The following PLEKHA5 variants were observed in gnomAD, a reference collection of about 807,000 sequenced individuals.
The protein encoded by PLEKHA5 is pleckstrin homology domain containing A5.
PLEKHA5 carries 55 observed loss-of-function variants against 181.9 expected under a neutral mutation model. The ratio of observed to expected loss-of-function variants is 0.30; its 90% CI spans 0.24 to 0.38. The LOEUF is 0.38. Among genes scored for constraint, PLEKHA5 ranks in the 10% least tolerant of loss-of-function variants. The pLI is 1.00. For synonymous variants in PLEKHA5, 535 were observed against 529.4 expected (o/e 1.01, Z -0.15); for missense variants, 1,432 against 1,549.5 (o/e 0.92, Z 1.27).
intron 8 of PLEKHA5, 99 bp from the exon 9 acceptor site, chr12:19,269,671 G>T: frequency 1.8e-6 from 1 of 568,708 alleles, no homozygotes; most frequent in Non-Finnish European, 3.1e-6. Flanking sequence ...TCTGAAATTT[G>T]ATAGCAACGT....
intron 3 of PLEKHA5, among the ~76,000 whole-genome samples, chr12:19,252,156 T>A (rs2078303965): frequency 6.6e-6 from 1 of 152,178 alleles, no homozygotes; most frequent in South Asian, 2.1e-4. Context: ...TCAATTTTAT[T>A]TAATGGATAA....
chr12:19,193,345 A>G lies in PLEKHA5; in HGVS notation c.228-60595A>G, dbSNP rs539152766. On this transcript the variant is annotated intron_variant, in intron 3 of 31. Coordinates refer to ENST00000429027, the MANE Select transcript of PLEKHA5 (RefSeq NM_001256470.2). ...TCAGTAGACCCCATGTTGGGAACAC[A>G]TGAAGCCAATATTTTAAAAGCAAAT... Among the ~76,000 whole-genome samples the G allele has an allele frequency of 5.9e-5, 9 of 152,352 alleles. No individual in the cohort carries two copies. The South Asian group carries it at 1.5e-3, about 25-fold the overall frequency.
intron 3 of PLEKHA5, among the ~76,000 whole-genome samples, chr12:19,173,865 C>G (rs2151723090): frequency 6.6e-6 from 1 of 152,270 alleles, no homozygotes; most frequent in East Asian, 1.9e-4. Flanking sequence ...GAGCCACCAT[C>G]AAAAATCAAA....
chr12:19,318,744 G>GA (rs1175822216), intron 16 of PLEKHA5, among the ~76,000 whole-genome samples: 2 of 152,238 alleles, frequency 1.3e-5, no homozygotes, highest in African/African-American at 4.8e-5. Context: ...CCAACATGGT[G>GA]AAACCCCGTC....
At position 19,314,340 on chromosome 12, in the gene PLEKHA5, GA is replaced by G. The variant is rs2087716170; in HGVS notation, c.2038-473del. Among the ~76,000 whole-genome samples the G allele has an allele frequency of 2.6e-5, 4 of 152,176 alleles. No individual in the cohort carries two copies. The Middle Eastern group carries it at 0.014, about 518-fold the overall frequency. On this transcript the variant is annotated intron_variant, in intron 15 of 31. Coordinates refer to ENST00000429027, the MANE Select transcript of PLEKHA5 (RefSeq NM_001256470.2). The stretch of plus-strand genomic sequence containing the variant: ...CCTTTAATAAAATATGTGATTAAGT[GA>G]CACATTCAGTATATTATATTTTAAT...
At chr12:19,184,671 A>C (rs1228304987) in intron 3 of PLEKHA5, among the ~76,000 whole-genome samples, 2 of 152,190 alleles carry the variant, frequency 1.3e-5, no homozygotes, top group Admixed American at 6.5e-5. Context: ...ATTTTGTTGA[A>C]GAGAATAAGT....
At chr12:19,322,289 A>G (rs2091063562) in intron 18 of PLEKHA5, 21 bp from the exon 19 acceptor site, 4 of 1,541,532 alleles carry the variant, frequency 2.6e-6, no homozygotes, top group Non-Finnish European at 3.6e-6. Flanking sequence ...TGCTAACAAG[A>G]CATCTTCTCT....
intron 30 of PLEKHA5, among the ~76,000 whole-genome samples, chr12:19,368,657 T>C (rs867337819): frequency 2.1e-4 from 32 of 151,102 alleles, no homozygotes; most frequent in African/African-American, 7.3e-4. Context: ...CCAGGCATGG[T>C]GGCCATGCCT....
intron 3 of PLEKHA5, among the ~76,000 whole-genome samples, chr12:19,172,753 C>A (rs2046207122): frequency 6.6e-6 from 1 of 152,010 alleles, no homozygotes; most frequent in African/African-American, 2.4e-5. Flanking sequence ...GATGATACAC[C>A]TGAAGCACAG....
chr12:19,328,990 C>G (rs2092566351), intron 20 of PLEKHA5, among the ~76,000 whole-genome samples: 2 of 152,050 alleles, frequency 1.3e-5, no homozygotes, highest in African/African-American at 4.8e-5. Flanking sequence ...ATGGCCTTTA[C>G]TATTTTAGGG....
chr12:19,257,006 G>A (rs1346522505), intron 5 of PLEKHA5, among the ~76,000 whole-genome samples: 2 of 152,126 alleles, frequency 1.3e-5, no homozygotes, highest in Non-Finnish European at 2.9e-5. Flanking sequence ...TCCTCAGACT[G>A]AGTGCCATTA....
chr12:19,360,249 C>T (rs1418052489), intron 28 of PLEKHA5, among the ~76,000 whole-genome samples: 2 of 151,514 alleles, frequency 1.3e-5, no homozygotes, highest in South Asian at 2.1e-4. Flanking sequence ...GGGAGGATCA[C>T]CTGAGCCCAA....
At chr12:19,308,764 C>T (rs2085111059) in intron 15 of PLEKHA5, among the ~76,000 whole-genome samples, 1 of 151,960 alleles carries the variant, frequency 6.6e-6, no homozygotes, top group Non-Finnish European at 1.5e-5. Flanking sequence ...AATGATAATC[C>T]GGCTGGGCAC....
chr12:19,141,235 C>G (rs533260500), intron 3 of PLEKHA5, among the ~76,000 whole-genome samples: 2 of 152,246 alleles, frequency 1.3e-5, no homozygotes, highest in South Asian at 4.1e-4. Flanking sequence ...AAATTACACC[C>G]GTTTAGCTTT....
At chr12:19,274,459 G>T in intron 10 of PLEKHA5, 57 bp from the exon 11 acceptor site, 1 of 1,219,598 alleles carries the variant, frequency 8.2e-7, no homozygotes, top group Non-Finnish European at 1.2e-6. Context: ...TTGAATCCCA[G>T]AAGTAATATG....
intron 10 of PLEKHA5, among the ~76,000 whole-genome samples, chr12:19,274,169 C>CAAA (rs1382083978): frequency 6.6e-6 from 1 of 152,216 alleles, no homozygotes; most frequent in Non-Finnish European, 1.5e-5. Context: ...TGGCTCCTTT[C>CAAA]AAGGGACTAT....
intron 3 of PLEKHA5, among the ~76,000 whole-genome samples, chr12:19,168,487 C>G (rs1226581872): frequency 3.0e-5 from 4 of 131,252 alleles, no homozygotes; most frequent in African/African-American, 1.0e-4. Flanking sequence ...CAGTTTATTG[C>G]AGTGATTTAA....
chr12:19,144,523 G>A (rs2038355847), intron 3 of PLEKHA5, among the ~76,000 whole-genome samples: 1 of 152,188 alleles, frequency 6.6e-6, no homozygotes, highest in South Asian at 2.1e-4. Flanking sequence ...TGTGGTCCTG[G>A]TTGATGTAAG....
At chr12:19,259,559 TG>T in intron 6 of PLEKHA5, among the ~76,000 whole-genome samples, 1 of 152,070 alleles carries the variant, frequency 6.6e-6, no homozygotes, top group South Asian at 2.1e-4. Flanking sequence ...AAGACCAGCC[TG>T]GCCAACATGG....
Sources: allele counts gnomAD v4.1 joint callset (sites outside exome capture counted in the v4.1 genomes callset), GRCh38; gene constraint gnomAD v4.1.1; transcripts MANE v1.5; gene names NCBI Gene and HGNC (gene_info 2026-07-23, HGNC 2026-07-21).